TAX1BP1: variants seen among roughly 807,000 people sequenced by gnomAD.
TAX1BP1 encodes Tax1 binding protein 1.
Under a neutral mutation model 97.7 loss-of-function variants are expected in TAX1BP1, and 62 were observed. That is an observed-to-expected ratio of 0.63 (90% CI 0.52 to 0.78). TAX1BP1 has a LOEUF of 0.78. Among genes scored for constraint, TAX1BP1 ranks in the 30% least tolerant of loss-of-function variants. TAX1BP1 has a pLI of 0.00. For missense variants in TAX1BP1, 867 were observed against 916.1 expected (o/e 0.95, Z 0.69); for synonymous variants, 340 against 304.2 (o/e 1.12, Z -1.23).
chr7:27,817,927 C>A (rs1200745314), intron 15 of TAX1BP1, among the ~76,000 whole-genome samples: 1 of 152,048 alleles, frequency 6.6e-6, no homozygotes, highest in Non-Finnish European at 1.5e-5. Flanking sequence ...TGATTTTAGC[C>A]CTAGTGCTCA....
intron 2 of TAX1BP1, among the ~76,000 whole-genome samples, chr7:27,749,500 A>T (rs1300187434): frequency 6.6e-6 from 1 of 152,250 alleles, no homozygotes; most frequent in African/African-American, 2.4e-5. Flanking sequence ...ATCTGTATAA[A>T]GTTAAACAAC....
chr7:27,769,927 C>G, intron 5 of TAX1BP1, 93 bp downstream of exon 5: 1 of 1,263,018 alleles, frequency 7.9e-7, no homozygotes, highest in Non-Finnish European at 1.1e-6. Flanking sequence ...TAAGTGAAAA[C>G]CAGGTACTGA....
intron 5 of TAX1BP1, among the ~76,000 whole-genome samples, chr7:27,783,467 T>C (rs1391959124): frequency 6.6e-6 from 1 of 152,192 alleles, no homozygotes; most frequent in Admixed American, 6.5e-5. Flanking sequence ...GAGGCTTGTA[T>C]GCTGGGAAGC....
At chr7:27,825,819 T>C (rs35801744) in intron 15 of TAX1BP1, among the ~76,000 whole-genome samples, 20,266 of 152,192 alleles carry the variant, frequency 0.13, 1,653 homozygotes, top group Middle Eastern at 0.18. Context: ...TATGAGACTT[T>C]TGGTTCCATT....
At chr7:27,773,233 A>G (rs1788910461) in intron 5 of TAX1BP1, among the ~76,000 whole-genome samples, 1 of 152,072 alleles carries the variant, frequency 6.6e-6, no homozygotes, top group African/African-American at 2.4e-5. Flanking sequence ...ACTGCTGTAT[A>G]CTTCTGAGGG....
chr7:27,766,519 T>C (rs1788651242), intron 4 of TAX1BP1, among the ~76,000 whole-genome samples: 1 of 149,172 alleles, frequency 6.7e-6, no homozygotes, highest in Non-Finnish European at 1.5e-5. Context: ...TTTGAAATGC[T>C]TAAAAAAATC....
rs1035823515 is a variant in TAX1BP1, at chr7:27,801,889, T to C, written c.1764+1799T>C. Among the ~76,000 whole-genome samples the C allele has an allele frequency of 2.2e-4, 33 of 152,186 alleles. 1 individual carries two copies. Among genetic ancestry groups the C allele is most frequent in the African/African-American group, 7.2e-4 (30 of 41,438 alleles). The stretch of plus-strand genomic sequence containing the variant: ...ATGTGATAAAGCTCCACATGAATGA[T>C]AAGTTTAATTGCCTTAGAGTTGTGT... On this transcript the variant is annotated intron_variant, in intron 13 of 16. Coordinates refer to ENST00000396319, the MANE Select transcript of TAX1BP1 (RefSeq NM_006024.7).
At chr7:27,785,006 TATC>T (rs1789420893) in intron 5 of TAX1BP1, among the ~76,000 whole-genome samples, 154 bp from the exon 6 acceptor site, 1 of 152,182 alleles carries the variant, frequency 6.6e-6, no homozygotes, top group African/African-American at 2.4e-5. Context: ...AAATATATGT[TATC>T]ATTTCAAGTT....
chr7:27,740,982 G>T (rs536571440), intron 1 of TAX1BP1, among the ~76,000 whole-genome samples: 5 of 152,184 alleles, frequency 3.3e-5, no homozygotes, highest in Non-Finnish European at 7.3e-5. Context: ...GCGCGCGCGC[G>T]TACACCTTAT....
chr7:27,782,380 C>T (rs776886467), intron 5 of TAX1BP1, among the ~76,000 whole-genome samples: 2 of 152,116 alleles, frequency 1.3e-5, no homozygotes, highest in Non-Finnish European at 2.9e-5. Flanking sequence ...GCTGGGACTA[C>T]AGGCACACAC....
intron 1 of TAX1BP1, among the ~76,000 whole-genome samples, chr7:27,747,364 C>T (rs753404651): frequency 2.2e-4 from 33 of 152,166 alleles, no homozygotes; most frequent in Non-Finnish European, 3.5e-4. Context: ...CATCTGCTAT[C>T]CAGTGCTTGG....
In TAX1BP1 at chr7:27,782,748, GTTAT is replaced by G. The variant is rs1789309907; in HGVS notation, c.613-2411_613-2408del. Among the ~76,000 whole-genome samples the G allele has an allele frequency of 2.6e-5, 4 of 152,176 alleles. No individual in the cohort carries two copies. The South Asian group carries it at 8.3e-4, about 32-fold the overall frequency. On this transcript the variant is annotated intron_variant, in intron 5 of 16. Transcript: ENST00000396319. ...TAAATAATTGTTTTGTCAATAATTTGTTATTTAAAGTGTTCAGGTGCTAGTTTAC... is the reference window on the plus strand; with the variant it reads ...TAAATAATTGTTTTGTCAATAATTTGTTAAAGTGTTCAGGTGCTAGTTTAC...
At chr7:27,784,739 C>G (rs1248588157) in intron 5 of TAX1BP1, among the ~76,000 whole-genome samples, 1 of 151,886 alleles carries the variant, frequency 6.6e-6, no homozygotes, top group Non-Finnish European at 1.5e-5. Context: ...GCCTGTAGTC[C>G]CAGCACTTTT....
intron 5 of TAX1BP1, among the ~76,000 whole-genome samples, chr7:27,777,661 G>A (rs777190122): frequency 2.0e-5 from 3 of 152,050 alleles, no homozygotes; most frequent in African/African-American, 4.8e-5. Context: ...TTCTTCTCTG[G>A]TACTCTCTCC....
intron 13 of TAX1BP1, among the ~76,000 whole-genome samples, chr7:27,804,444 G>C (rs555946360): frequency 6.6e-6 from 1 of 152,270 alleles, no homozygotes; most frequent in East Asian, 1.9e-4. Flanking sequence ...ACGATTTTCT[G>C]ATGCCAAAAC....
chr7:27,742,312 T>C (rs555776400), intron 1 of TAX1BP1, among the ~76,000 whole-genome samples: 1 of 152,294 alleles, frequency 6.6e-6, no homozygotes, highest in African/African-American at 2.4e-5. Flanking sequence ...TAGGCAGAGG[T>C]CCCTGCAGGC....
chr7:27,812,727 A>G (rs1193041390), intron 13 of TAX1BP1, among the ~76,000 whole-genome samples: 2 of 152,144 alleles, frequency 1.3e-5, no homozygotes, highest in African/African-American at 4.8e-5. Context: ...TGAAAAGACC[A>G]TCCTTTTCCT....
intron 4 of TAX1BP1, among the ~76,000 whole-genome samples, chr7:27,766,492 A>C (rs927607622): frequency 2.7e-5 from 4 of 147,536 alleles, no homozygotes; most frequent in African/African-American, 1.0e-4. Context: ...TAAAATAATA[A>C]ATTTAGAGTG....
At chr7:27,760,070 T>C (rs1424529524) in intron 3 of TAX1BP1, among the ~76,000 whole-genome samples, 1 of 151,992 alleles carries the variant, frequency 6.6e-6, no homozygotes, top group Non-Finnish European at 1.5e-5. Flanking sequence ...GCCAGGCTGG[T>C]CTCAAATTCC....
Sources: gnomAD v4.1 joint callset for allele counts (sites outside exome capture counted in the v4.1 genomes callset) on GRCh38, gnomAD v4.1.1 for gene constraint, MANE v1.5 for transcripts, NCBI Gene and HGNC (gene_info 2026-07-23, HGNC 2026-07-21) for gene names.